The following DNASE1L1 variants were observed in gnomAD, a reference collection of about 807,000 sequenced individuals.
DNASE1L1 encodes deoxyribonuclease 1 like 1.
In DNASE1L1, 8 loss-of-function variants were observed where a neutral mutation model predicts 18.6. The observed-to-expected ratio is 0.43, with a 90% CI of 0.25 to 0.78. The LOEUF (loss-of-function observed/expected upper bound fraction) is 0.78, where lower values mean the gene tolerates loss of function less well. Among genes scored for constraint, DNASE1L1 ranks in the 30% least tolerant of loss-of-function variants. DNASE1L1 has a pLI of 0.23. For missense variants in DNASE1L1, 214 were observed against 258.2 expected, an observed-to-expected ratio of 0.83 and a Z score of 1.17; for synonymous variants, 114 against 114.2, an observed-to-expected ratio of 1.00 and a Z score of 0.01.
intron 1 of DNASE1L1, among the ~76,000 whole-genome samples, chrX:154,407,587 CTTTTTTTT>C (rs782217648): frequency 1.3e-5 from 1 of 74,763 alleles, no homozygotes; most frequent in Admixed American, 1.5e-4. Context: ...CCTAGTCTAC[CTTTTTTTT>C]TTTTTTTTTT....
rs1557187347 is a variant in DNASE1L1, at chrX:154,403,111, G to T, written c.605C>A (p.Thr202Asn). 5.0e-6 allele frequency: 6 copies of T among 1,211,999 alleles called. No individual in the cohort carries two copies. Among genetic ancestry groups the T allele is most frequent in the Non-Finnish European group, 5.6e-6 (5 of 895,598 alleles). ...KKRLDKLELR[T>N]EPGFHWVIAD... The stretch of plus-strand genomic sequence containing the variant: ...AATCACCCAGTGGAAGCCTGGCTCA[G>T]TCCGCAGCTCCAGCTTGTCCAGGCG... The change falls in exon 7 of 8, where the codon ACT becomes AAT. Residue 202 changes from threonine (T) to asparagine (N), a missense_variant. Transcript: ENST00000369807.
chrX:154,405,329 CTCT>C, intron 2 of DNASE1L1, 102 bp downstream of exon 2: 1 of 1,107,211 alleles, frequency 9.0e-7, no homozygotes, highest in African/African-American at 1.8e-5. Context: ...CGTGCCACAC[CTCT>C]TCTTCTCCCC....
chrX:154,411,714 G>A, upstream of DNASE1L1: 1 of 619,912 alleles, frequency 1.6e-6, no homozygotes. Context: ...CCCCTGTTGC[G>A]CCGCGCCCCC....
upstream of DNASE1L1, among the ~76,000 whole-genome samples, chrX:154,410,881 T>A (rs1225526097): frequency 3.6e-5 from 4 of 110,090 alleles, no homozygotes; most frequent in African/African-American, 6.6e-5. Flanking sequence ...CCTAAAAAAA[T>A]AATAATAAAT....
rs150810975 is a variant in DNASE1L1 at position 154,403,335 on chromosome X, G to A, written c.459C>T (p.Ala153=). 45 of 1,209,571 alleles carry A rather than the reference G, an allele frequency of 3.7e-5. No homozygotes were observed. Among genetic ancestry groups the A allele is most frequent in the African/African-American group, 3.3e-4 (19 of 57,068 alleles). ...AGAGGGCGTTCAGCTCCTTCTCTAC[G>A]GCCTTAGGAGTGGTGTGCAGCGGGA... ...VLVPLHTTPK[A]VEKELNALYD... is the part of the protein sequence containing the mutation. Residue 153 remains alanine (A), a synonymous_variant, in exon 6 of 8, where the codon GCC becomes GCT. Coordinates refer to ENST00000369807, the MANE Select transcript of DNASE1L1 (RefSeq NM_001303620.2).
chrX:154,406,073 G>A (rs1014577526), intron 1 of DNASE1L1, among the ~76,000 whole-genome samples: 10 of 106,377 alleles, frequency 9.4e-5, no homozygotes, highest in South Asian at 8.5e-4. Context: ...CTGGGTTCAC[G>A]CCATTCTCCT....
At chrX:154,405,161 C>T in intron 2 of DNASE1L1, 78 bp from the exon 3 acceptor site, 1 of 1,003,885 alleles carries the variant, frequency 1.0e-6, no homozygotes. Context: ...GGGACTGGCA[C>T]TGTTGTGGCC....
At position 154,402,987 on chromosome X, in the gene DNASE1L1, C is replaced by T. The variant is rs782260608; in HGVS notation, c.729G>A (p.Ala243=). 2.1e-5 allele frequency: 26 copies of T among 1,209,818 alleles called. No homozygotes were observed. Among genetic ancestry groups the T allele is most frequent in the African/African-American group, 1.4e-4 (8 of 57,381 alleles). The change falls in exon 7 of 8, where the codon GCG becomes GCA. Residue 243 remains alanine, a synonymous_variant. Coordinates refer to ENST00000369807, the MANE Select transcript of DNASE1L1 (RefSeq NM_001303620.2). ...AGCTCGTGGGGAAGTCAAAGGCAGC[C>T]GCAGTGTGCAGCAGACTCCGGCAGC... ...GERCRSLLHT[A]AAFDFPTSFQ...
At chrX:154,404,938 G>A (rs782779975) in intron 3 of DNASE1L1, 24 bp from the exon 4 acceptor site, 1 of 1,207,054 alleles carries the variant, frequency 8.3e-7, no homozygotes, top group Non-Finnish European at 1.1e-6. Context: ...GGGAGGCGGG[G>A]TCAGGGCCTC....
chrX:154,403,208 A>G lies in DNASE1L1; in HGVS notation c.526-18T>C, dbSNP rs1336049628. 9.1e-6 allele frequency: 11 copies of G among 1,208,362 alleles called. No individual in the cohort carries two copies. Among genetic ancestry groups the G allele is most frequent in the Non-Finnish European group, 1.2e-5 (11 of 893,823 alleles). On this transcript the variant is annotated intron_variant, in intron 6 of 7. Transcript: ENST00000369807. Reference sequence around the variant, plus strand: ...ATCACGTCCTAGAGACACAGCAGCCATCAGGCTGGCCGCTGGGCCACCCTA... The same window carrying G: ...ATCACGTCCTAGAGACACAGCAGCCGTCAGGCTGGCCGCTGGGCCACCCTA...
upstream of DNASE1L1, chrX:154,411,410 G>T (rs1241925964): frequency 3.0e-5 from 6 of 199,101 alleles, no homozygotes; most frequent in African/African-American, 9.5e-5. Context: ...GAGCGCAGGA[G>T]GCTGCCAGGA....
chrX:154,401,947 C>A lies in DNASE1L1; in HGVS notation c.*760G>T, dbSNP rs1215683074. Reference sequence around the variant, plus strand: ...GAGAGGAGGATGGAAGGGAGGGGTCCGGCATGCTGCTGGCATTTTGCTGTG... The same window carrying A: ...GAGAGGAGGATGGAAGGGAGGGGTCAGGCATGCTGCTGGCATTTTGCTGTG... On this transcript the variant is annotated 3_prime_UTR_variant, in exon 8 of 8. Transcript: ENST00000369807. 9.0e-6 allele frequency: 1 copy of A among 111,458 alleles called. No homozygotes were observed. Among genetic ancestry groups the A allele is most frequent in the Admixed American group, 9.5e-5 (1 of 10,503 alleles). The allele number at this position is 111,458 out of a possible 1,213,427, so 9.2% of individuals were successfully genotyped here.
intron 1 of DNASE1L1, 139 bp downstream of exon 1, chrX:154,408,973 G>A (rs1261615961): frequency 8.0e-6 from 2 of 249,323 alleles, no homozygotes; most frequent in East Asian, 1.2e-4. Flanking sequence ...AGAGAGCGAC[G>A]GTTCCTGGCT....
chrX:154,404,797 C>CG lies in DNASE1L1; in HGVS notation c.311+30_311+31insC, dbSNP rs113877249. ...CACATTAGGGCCAAGGACCGCCCCC[C>CG]ACCCTGCTGCGCTGCCAGCTCCGTG... On this transcript the variant is annotated intron_variant, in intron 4 of 7. Transcript: ENST00000369807. 9,115 of 1,192,133 alleles carry CG rather than the reference C, an allele frequency of 7.6e-3. 429 individuals are homozygous for CG. The African/African-American group carries it at 0.14, about 18-fold the overall frequency.
intron 1 of DNASE1L1, among the ~76,000 whole-genome samples, chrX:154,406,735 C>T (rs1299185479): frequency 2.0e-5 from 2 of 98,900 alleles, no homozygotes; most frequent in African/African-American, 7.6e-5. Context: ...GTCTTGAACT[C>T]CTGGGCTCAA....
At chrX:154,406,027 A>G (rs782077461) in intron 1 of DNASE1L1, among the ~76,000 whole-genome samples, 3 of 103,000 alleles carry the variant, frequency 2.9e-5, no homozygotes, top group Non-Finnish European at 4.0e-5. Flanking sequence ...GCTGGAGTGC[A>G]GTGGCGCAAA....
In DNASE1L1 at chrX:154,405,560, G is replaced by A. The variant is rs782098835; in HGVS notation, c.9C>T (p.Tyr3=). ...GGATGAGGAAGAGGAGTGCAGTTGG[G>A]TAGTGCATGGCTGTGTGTGGCTGCC... MH[Y]PTALLFLILA... is the part of the protein sequence containing the mutation. The change falls in exon 2 of 8, where the codon TAC becomes TAT. Residue 3 remains tyrosine, a synonymous_variant. Coordinates refer to ENST00000369807, the MANE Select transcript of DNASE1L1 (RefSeq NM_001303620.2). 2 of 1,171,943 alleles carry A rather than the reference G, an allele frequency of 1.7e-6. No homozygotes were observed. The highest frequency in any genetic ancestry group is 2.4e-5 in the Admixed American group (1 of 42,543).
chrX:154,404,976 C>A lies in DNASE1L1; in HGVS notation c.224+19G>T, dbSNP rs781825315. On this transcript the variant is annotated intron_variant, in intron 3 of 7. Transcript: ENST00000369807. ...GCCTCTGGGTGTGCCCCTGATTAGA[C>A]CCACAGAATCTTCCTCACCGATTGA... 1.1e-5 allele frequency: 13 copies of A among 1,207,255 alleles called. No individual in the cohort carries two copies. Among genetic ancestry groups the A allele is most frequent in the Non-Finnish European group, 1.3e-5 (12 of 892,114 alleles).
At position 154,401,972 on chromosome X, in the gene DNASE1L1, G is replaced by A. The variant is rs2068050034; in HGVS notation, c.*735C>T. The A allele has an allele frequency of 8.9e-6, 1 of 111,739 alleles. No individual in the cohort carries two copies. Among genetic ancestry groups the A allele is most frequent in the African/African-American group, 3.3e-5 (1 of 30,616 alleles). The allele number at this position is 111,739 out of a possible 1,213,427, so 9.2% of individuals were successfully genotyped here. A position where few individuals can be genotyped will look rare whatever the true frequency, so the allele number is the denominator to read the frequency against. Reference sequence around the variant, plus strand: ...CGGCATGCTGCTGGCATTTTGCTGTGTCCTGCAGCCCCTTTCCGGGACACC... The same window carrying A: ...CGGCATGCTGCTGGCATTTTGCTGTATCCTGCAGCCCCTTTCCGGGACACC... On this transcript the variant is annotated 3_prime_UTR_variant, in exon 8 of 8. Transcript: ENST00000369807.
Sources: gnomAD v4.1 joint callset for allele counts (sites outside exome capture counted in the v4.1 genomes callset) on GRCh38, gnomAD v4.1.1 for gene constraint, MANE v1.5 for transcripts, NCBI Gene and HGNC (gene_info 2026-07-23, HGNC 2026-07-21) for gene names.